COL22A1: variants seen among roughly 807,000 people sequenced by gnomAD.
COL22A1 encodes the protein collagen type XXII alpha 1 chain.
In COL22A1, 221 loss-of-function variants were observed where a neutral mutation model predicts 248.9. The observed-to-expected ratio is 0.89, with a 90% CI of 0.80 to 0.99. The LOEUF (loss-of-function observed/expected upper bound fraction) is 0.99. COL22A1 is among the 50% of genes least tolerant of loss of function. COL22A1 has a pLI of 0.00. For synonymous variants in COL22A1, 891 were observed against 793.4 expected (o/e 1.12, Z -2.07); for missense variants, 2,240 against 2,179.0 (o/e 1.03, Z -0.56).
chr8:138,672,878 C>T (rs970018566), intron 41 of COL22A1, among the ~76,000 whole-genome samples: 3 of 152,212 alleles, frequency 2.0e-5, no homozygotes, highest in African/African-American at 7.2e-5. Flanking sequence ...TCTTCACAAA[C>T]CCCAGCTCCT....
chr8:138,667,690 T>C (rs2130740857), intron 41 of COL22A1, among the ~76,000 whole-genome samples: 1 of 152,310 alleles, frequency 6.6e-6, no homozygotes, highest in South Asian at 2.1e-4. Flanking sequence ...CTTTTCTCTG[T>C]ATAGAACTAT....
chr8:138,687,562 G>A (rs780653664), intron 37 of COL22A1, among the ~76,000 whole-genome samples: 5 of 152,178 alleles, frequency 3.3e-5, no homozygotes, highest in Admixed American at 1.3e-4. Flanking sequence ...CCCCAATATC[G>A]TCTCTTCCTG....
At chr8:138,875,416 A>G (rs1823640720) in intron 3 of COL22A1, among the ~76,000 whole-genome samples, 1 of 152,130 alleles carries the variant, frequency 6.6e-6, no homozygotes, top group Non-Finnish European at 1.5e-5. Flanking sequence ...CTCTGAACCA[A>G]GACTGTCAGG....
intron 51 of COL22A1, 73 bp from the exon 52 acceptor site, chr8:138,623,858 G>T: frequency 2.2e-6 from 3 of 1,371,550 alleles, no homozygotes; most frequent in Non-Finnish European, 3.1e-6. Context: ...GGCAGTTTCA[G>T]CATGTCTTCC....
chr8:138,729,526 GC>G (rs1376401090), intron 23 of COL22A1, among the ~76,000 whole-genome samples: 1 of 152,202 alleles, frequency 6.6e-6, no homozygotes, highest in Non-Finnish European at 1.5e-5. Context: ...CCTAGCAACT[GC>G]CGTAGCCATT....
chr8:138,878,784 G>GA (rs1310564912), intron 2 of COL22A1, among the ~76,000 whole-genome samples: 1 of 152,164 alleles, frequency 6.6e-6, no homozygotes, highest in Non-Finnish European at 1.5e-5. Flanking sequence ...AAGGCGGGTG[G>GA]ATCACGAGGT....
chr8:138,876,466 G>A (rs1016643047), intron 3 of COL22A1, among the ~76,000 whole-genome samples: 1 of 152,196 alleles, frequency 6.6e-6, no homozygotes, highest in African/African-American at 2.4e-5. Flanking sequence ...GCTGTGTCTT[G>A]TCTTTTTCTG....
chr8:138,629,397 C>T (rs182073638), intron 50 of COL22A1, among the ~76,000 whole-genome samples: 1 of 151,798 alleles, frequency 6.6e-6, no homozygotes, highest in African/African-American at 2.4e-5. Context: ...CAGGTGATCT[C>T]CCCACCTTGG....
At chr8:138,756,868 C>G (rs927789871) in intron 18 of COL22A1, among the ~76,000 whole-genome samples, 7 of 152,192 alleles carry the variant, frequency 4.6e-5, no homozygotes, top group African/African-American at 1.7e-4. Context: ...TCACTTTTCA[C>G]AGCATCAAGT....
Position 138,878,044 on chromosome 8 carries a change from G to T in COL22A1, c.364C>A (p.Arg122Ser), listed in dbSNP as rs781581127. ...GAGAAGCTGCGGGCCGTGATGTAGC[G>T]GAGCGCGTCTCCCGTGTTGGTGTTG... is the stretch of plus-strand genomic sequence containing the variant. ...GGNTNTGDAL[R>S]YITARSFSPH... Residue 122 changes from arginine to serine, a missense_variant, in exon 3 of 65, where the codon CGC becomes AGC. By Grantham distance (110) the Arg-to-Ser change is moderately radical. Transcript: ENST00000303045. 1 of 1,593,032 alleles carries T rather than the reference G, an allele frequency of 6.3e-7. No individual in the cohort carries two copies.
At chr8:138,637,778 A>G (rs1821318992) in intron 47 of COL22A1, among the ~76,000 whole-genome samples, 1 of 152,178 alleles carries the variant, frequency 6.6e-6, no homozygotes, top group Non-Finnish European at 1.5e-5. Flanking sequence ...AGCTCTCAAA[A>G]AAACATTAGC....
chr8:138,839,142 C>A (rs1433314810), intron 4 of COL22A1, among the ~76,000 whole-genome samples: 7 of 152,158 alleles, frequency 4.6e-5, no homozygotes, highest in Admixed American at 4.6e-4. Context: ...TTTGCTGTTC[C>A]TATTCAAGCA....
intron 3 of COL22A1, among the ~76,000 whole-genome samples, chr8:138,862,995 G>A (rs536661960): frequency 6.6e-6 from 1 of 152,210 alleles, no homozygotes; most frequent in South Asian, 2.1e-4. Flanking sequence ...AGTAAAGAGG[G>A]GACAGAGGGC....
At chr8:138,737,466 A>G (rs1181566143) in intron 23 of COL22A1, 58 bp downstream of exon 23, 5 of 1,251,262 alleles carry the variant, frequency 4.0e-6, no homozygotes, top group Non-Finnish European at 5.9e-6. Flanking sequence ...CTGCCTGGTC[A>G]TTTATTTAAT....
At position 138,807,912 on chromosome 8, in the gene COL22A1, G is replaced by A. The variant is rs1159745429; in HGVS notation, c.1450-100C>T. The A allele has an allele frequency of 4.9e-6, 6 of 1,219,644 alleles. No homozygotes were observed. The Admixed American group carries it at 8.8e-5, about 18-fold the overall frequency. The allele number at this position is 1,219,644 out of a possible 1,614,324, so 75.6% of individuals were successfully genotyped here. The stretch of plus-strand genomic sequence containing the variant: ...CACCCCCACATGCTTAGAAGCCAAT[G>A]GCTTAGTAAGCCCAGCGCCGACCAA... On this transcript the variant is annotated intron_variant, in intron 9 of 64. Transcript: ENST00000303045.
chr8:138,805,702 GGATGGTGTGT>G (rs1233653137), intron 10 of COL22A1, among the ~76,000 whole-genome samples: 26 of 145,276 alleles, frequency 1.8e-4, no homozygotes, highest in African/African-American at 6.4e-4. Context: ...TGATGGTGTG[GGATGGTGTGT>G]GATGGTGTAG....
At chr8:138,633,020 G>T (rs1276255010) in intron 49 of COL22A1, among the ~76,000 whole-genome samples, 1 of 152,162 alleles carries the variant, frequency 6.6e-6, no homozygotes, top group Non-Finnish European at 1.5e-5. Context: ...AATACTAAAA[G>T]AAAGGGCTTT....
At chr8:138,822,357 T>G (rs1429546005) in intron 6 of COL22A1, among the ~76,000 whole-genome samples, 1 of 152,190 alleles carries the variant, frequency 6.6e-6, no homozygotes, top group African/African-American at 2.4e-5. Flanking sequence ...GCCTGATTGC[T>G]TTTTAATAAT....
intron 32 of COL22A1, among the ~76,000 whole-genome samples, chr8:138,698,879 C>A (rs570566995): frequency 6.6e-6 from 1 of 152,240 alleles, no homozygotes; most frequent in Admixed American, 6.5e-5. Flanking sequence ...TCTGCCAGAG[C>A]GGAGCAGAGT....
Sources: gnomAD v4.1 joint callset for allele counts (sites outside exome capture counted in the v4.1 genomes callset) on GRCh38, gnomAD v4.1.1 for gene constraint, MANE v1.5 for transcripts, NCBI Gene and HGNC (gene_info 2026-07-23, HGNC 2026-07-21) for gene names.